CCDC186: variants seen among roughly 807,000 people sequenced by gnomAD.
CCDC186 encodes the protein coiled-coil domain-containing protein 186.
Under a neutral mutation model 113.7 loss-of-function variants are expected in CCDC186, and 49 were observed. The ratio of observed to expected loss-of-function variants is 0.43; its 90% CI spans 0.34 to 0.55. CCDC186 has a LOEUF of 0.55. Ranked by LOEUF, CCDC186 falls within the 20% of genes least tolerant of loss-of-function variation. The probability of loss-of-function intolerance (pLI) is 0.02; values close to 1 mark genes in which losing one functional copy is unlikely to be tolerated. For synonymous variants in CCDC186, 355 were observed against 345.8 expected (o/e 1.03, Z -0.30); for missense variants, 890 against 1,011.1 (o/e 0.88, Z 1.62).
At chr10:114,149,271 A>C (rs1271528237) in intron 4 of CCDC186, among the ~76,000 whole-genome samples, 2 of 152,166 alleles carry the variant, frequency 1.3e-5, no homozygotes, top group Non-Finnish European at 2.9e-5. Flanking sequence ...ATCATTAAGG[A>C]GAAAACATAC....
In CCDC186 at chr10:114,124,032, T is replaced by C. The variant is rs1010725221; in HGVS notation, c.*1111A>G. On this transcript the variant is annotated 3_prime_UTR_variant, in exon 16 of 16. Coordinates refer to ENST00000369287, the MANE Select transcript of CCDC186 (RefSeq NM_018017.4). ...TGGATAATCTTTTAAAATTTCTTTG[T>C]AGAGATGGGGGTCTCGCTATGTTGC... The C allele has an allele frequency of 6.6e-6, 1 of 152,182 alleles. No individual in the cohort carries two copies. Among genetic ancestry groups the C allele is most frequent in the Non-Finnish European group, 1.5e-5 (1 of 68,068 alleles). The allele number at this position is 152,182 out of a possible 1,614,324, so 9.4% of individuals were successfully genotyped here.
chr10:114,158,073 G>A (rs2032062348), intron 2 of CCDC186, among the ~76,000 whole-genome samples: 1 of 152,186 alleles, frequency 6.6e-6, no homozygotes, highest in Non-Finnish European at 1.5e-5. Context: ...ATTTTTGGTT[G>A]TCCTAACAAG....
chr10:114,168,805 G>C (rs1011082503), intron 1 of CCDC186, among the ~76,000 whole-genome samples: 18 of 152,300 alleles, frequency 1.2e-4, no homozygotes, highest in Admixed American at 9.2e-4. Flanking sequence ...CAATACTGCT[G>C]TCTCAGTAAA....
intron 1 of CCDC186, 129 bp from the exon 2 acceptor site, chr10:114,163,458 T>C: frequency 1.3e-6 from 1 of 776,826 alleles, no homozygotes; most frequent in East Asian, 2.9e-5. Context: ...TAAAAGCCTG[T>C]CCTTGAGAAA....
intron 1 of CCDC186, among the ~76,000 whole-genome samples, chr10:114,166,097 G>C (rs546833995): frequency 2.6e-5 from 4 of 152,094 alleles, no homozygotes; most frequent in Non-Finnish European, 5.9e-5. Flanking sequence ...AAAGTACAGA[G>C]GTTAGGAGTG....
chr10:114,164,319 C>T (rs1163239667), intron 1 of CCDC186, among the ~76,000 whole-genome samples: 4 of 151,536 alleles, frequency 2.6e-5, no homozygotes, highest in African/African-American at 9.7e-5. Context: ...GATAGGGTTT[C>T]ACCAGGTTGG....
chr10:114,155,904 G>A (rs1030657287), intron 3 of CCDC186, among the ~76,000 whole-genome samples: 1 of 152,044 alleles, frequency 6.6e-6, no homozygotes, highest in African/African-American at 2.4e-5. Context: ...ATATGCAGCT[G>A]GTGGATGCCA....
At chr10:114,139,570 AAAAAG>A (rs1158271688) in intron 6 of CCDC186, among the ~76,000 whole-genome samples, 1 of 151,888 alleles carries the variant, frequency 6.6e-6, no homozygotes, top group Non-Finnish European at 1.5e-5. Flanking sequence ...CTCAAAAAAA[AAAAAG>A]AAAAGAAAAA....
In CCDC186 at chr10:114,124,949, C is replaced by A. The variant is rs911067934; in HGVS notation, c.*194G>T. The A allele has an allele frequency of 5.8e-5, 25 of 431,842 alleles. No homozygotes were observed. Among genetic ancestry groups the A allele is most frequent in the African/African-American group, 4.7e-4 (23 of 48,884 alleles). The allele number at this position is 431,842 out of a possible 1,614,324, so 26.8% of individuals were successfully genotyped here. On this transcript the variant is annotated 3_prime_UTR_variant, in exon 16 of 16. Transcript: ENST00000369287. ...TATTGCACCATACAAAAACAAATTT[C>A]ATCAAAGCTTTCAGTCTTACAGTAT...
intron 1 of CCDC186, chr10:114,168,214 G>C (rs1308724843): frequency 6.6e-6 from 1 of 152,160 alleles, no homozygotes; most frequent in Non-Finnish European, 1.5e-5. Flanking sequence ...ATTTCAGTGG[G>C]TGAGAACTGG....
chr10:114,125,144 T>G lies in CCDC186; in HGVS notation c.2696A>C (p.Ter899SerextTer7). 6.2e-7 allele frequency: 1 copy of G among 1,602,440 alleles called. No homozygotes were observed. Among genetic ancestry groups the G allele is most frequent in the Non-Finnish European group, 8.5e-7 (1 of 1,173,724 alleles). ...HELEQRTKKT[*>S] ...TCTTTACTGAGCAAGAGGCTTGTTT[T>G]AGGTTTTCTTTGTCCTCTGTTCTAG... is the stretch of plus-strand genomic sequence containing the variant. The change falls in exon 16 of 16, where the codon TAA becomes TCA. Residue 899 changes from the stop codon to serine, a stop_lost. Coordinates refer to ENST00000369287, the MANE Select transcript of CCDC186 (RefSeq NM_018017.4).
chr10:114,144,257 C>T lies in CCDC186; in HGVS notation c.1221+240G>A, dbSNP rs78784280. Among the ~76,000 whole-genome samples the T allele has an allele frequency of 8.3e-3, 1,260 of 152,034 alleles. 5 individuals are homozygous for T. The highest frequency in any genetic ancestry group is 0.016 in the African/African-American group (645 of 41,502). ...TGAATAGTAAAATTTAACATCCCAC[C>T]CCATTTAATATGTAAATAATGTGAG... On this transcript the variant is annotated intron_variant, in intron 6 of 15. Coordinates refer to ENST00000369287, the MANE Select transcript of CCDC186 (RefSeq NM_018017.4).
chr10:114,137,364 G>GCTAGGC (rs2031298098), intron 6 of CCDC186, 74 bp from the exon 7 acceptor site: 1 of 977,752 alleles, frequency 1.0e-6, no homozygotes, highest in African/African-American at 1.6e-5. Flanking sequence ...CGGCAAGTAG[G>GCTAGGC]AAGGTTCTTG....
At chr10:114,172,062 G>C (rs999858403) in intron 1 of CCDC186, among the ~76,000 whole-genome samples, 13 of 152,072 alleles carry the variant, frequency 8.5e-5, no homozygotes, top group Non-Finnish European at 1.5e-4. Flanking sequence ...TCAGTGATAT[G>C]TTTATGAGAA....
intron 4 of CCDC186, among the ~76,000 whole-genome samples, chr10:114,147,094 C>G (rs1269778487): frequency 6.6e-6 from 1 of 152,180 alleles, no homozygotes; most frequent in Non-Finnish European, 1.5e-5. Flanking sequence ...TTATGCTGGA[C>G]TTGGCCAACA....
At chr10:114,129,599 C>T (rs1407618063) in intron 13 of CCDC186, among the ~76,000 whole-genome samples, 1 of 152,090 alleles carries the variant, frequency 6.6e-6, no homozygotes, top group Non-Finnish European at 1.5e-5. Context: ...TGCAGTGATG[C>T]GATCTCAGCT....
At chr10:114,125,325 G>C in intron 15 of CCDC186, 99 bp from the exon 16 acceptor site, 1 of 821,966 alleles carries the variant, frequency 1.2e-6, no homozygotes, top group Non-Finnish European at 1.9e-6. Context: ...TTTTGGAAAT[G>C]AAAGAGTGGT....
chr10:114,143,692 AG>A (rs767635236), intron 6 of CCDC186, among the ~76,000 whole-genome samples: 1 of 152,188 alleles, frequency 6.6e-6, no homozygotes, highest in Non-Finnish European at 1.5e-5. Flanking sequence ...AATATAACCA[AG>A]GGTTATTAGC....
intron 6 of CCDC186, among the ~76,000 whole-genome samples, chr10:114,140,900 CTTT>C (rs34725526): frequency 6.9e-6 from 1 of 145,672 alleles, no homozygotes; most frequent in African/African-American, 2.5e-5. Context: ...ATTTCTGAAT[CTTT>C]TTTTTTTTTA....
Sources: allele counts gnomAD v4.1 joint callset (sites outside exome capture counted in the v4.1 genomes callset), GRCh38; gene constraint gnomAD v4.1.1; transcripts MANE v1.5; gene names NCBI Gene and HGNC (gene_info 2026-07-23, HGNC 2026-07-21).